The following NME7 variants were observed in gnomAD, a reference collection of about 807,000 sequenced individuals.
The protein encoded by NME7 is nucleoside diphosphate kinase 7.
NME7 carries 41 observed loss-of-function variants against 49.1 expected under a neutral mutation model. That is an observed-to-expected ratio of 0.83 (90% confidence interval 0.65 to 1.08). The LOEUF is 1.08. Among genes scored for constraint, NME7 ranks in the 50% least tolerant of loss-of-function variants. The pLI, the probability that NME7 is intolerant of heterozygous loss-of-function variation, is 0.00. For synonymous variants in NME7, 139 were observed against 150.6 expected (o/e 0.92, Z 0.56); for missense variants, 423 against 463.4 (o/e 0.91, Z 0.80).
rs570184633 is a variant in NME7 at position 169,322,992 on chromosome 1, A to C, written c.278+125T>G. ...TTTTTAAATTGAAAAAAAGAAAAAG[A>C]ATGAAGACAACCATTTTCCAGGTCC... On this transcript the variant is annotated intron_variant, in intron 3 of 11. Transcript: ENST00000367811. The C allele has an allele frequency of 4.1e-4, 285 of 686,906 alleles. No individual in the cohort carries two copies. The African/African-American group carries it at 4.6e-3, about 11-fold the overall frequency. The allele number at this position is 686,906 out of a possible 1,614,324, so 42.6% of individuals were successfully genotyped here. A position where few individuals can be genotyped will look rare whatever the true frequency, so the allele number is the denominator to read the frequency against.
At position 169,292,958 on chromosome 1, in the gene NME7, T is replaced by G. The variant is rs571420892; in HGVS notation, c.649-5550A>C. 2.0e-5 allele frequency among the ~76,000 whole-genome samples: 3 copies of G among 152,190 alleles called. No individual in the cohort carries two copies. In the South Asian group the frequency reaches 6.2e-4, roughly 32 times the overall value. On this transcript the variant is annotated intron_variant, in intron 6 of 11. Transcript: ENST00000367811. ...AAAGAATACTGGCTCCCAAATTTCTTTCCTAGAGATGTACAGAATACAAAA... is the reference window on the plus strand; with the variant it reads ...AAAGAATACTGGCTCCCAAATTTCTGTCCTAGAGATGTACAGAATACAAAA...
intron 4 of NME7, among the ~76,000 whole-genome samples, chr1:169,306,249 A>G (rs945749005): frequency 2.0e-5 from 3 of 152,162 alleles, no homozygotes; most frequent in Non-Finnish European, 4.4e-5. Context: ...TTTCCTGCAT[A>G]TGGGAAACCA....
intron 7 of NME7, among the ~76,000 whole-genome samples, chr1:169,238,368 T>G (rs1647945079): frequency 6.6e-6 from 1 of 151,982 alleles, no homozygotes; most frequent in Non-Finnish European, 1.5e-5. Flanking sequence ...GTCTATAGTC[T>G]CTGGGCAAAT....
At chr1:169,313,331 G>A (rs1030663780) in intron 3 of NME7, among the ~76,000 whole-genome samples, 4 of 151,862 alleles carry the variant, frequency 2.6e-5, no homozygotes, top group Non-Finnish European at 4.4e-5. Flanking sequence ...AAGGGTAACA[G>A]AACCCAAGAG....
chr1:169,266,908 T>C (rs1649334861), intron 7 of NME7, among the ~76,000 whole-genome samples: 1 of 131,648 alleles, frequency 7.6e-6, no homozygotes, highest in South Asian at 2.4e-4. Flanking sequence ...TCTCTATTAA[T>C]AATATAAAAA....
chr1:169,234,511 TAGC>T (rs144080110), intron 9 of NME7, among the ~76,000 whole-genome samples: 3,871 of 152,186 alleles, frequency 0.025, 136 homozygotes, highest in African/African-American at 0.086. Context: ...ACAACAATAA[TAGC>T]AGGTAATATT....
chr1:169,228,942 C>T (rs1647468304), intron 10 of NME7, among the ~76,000 whole-genome samples: 1 of 152,132 alleles, frequency 6.6e-6, no homozygotes, highest in Non-Finnish European at 1.5e-5. Flanking sequence ...TATTCTTTCT[C>T]CCTGAAAAGA....
intron 11 of NME7, among the ~76,000 whole-genome samples, chr1:169,147,501 T>C (rs1658791537): frequency 6.6e-6 from 1 of 152,234 alleles, no homozygotes; most frequent in African/African-American, 2.4e-5. Context: ...TTTCAGTTAC[T>C]CATCTGTAAA....
At chr1:169,251,122 C>T (rs993167286) in intron 7 of NME7, among the ~76,000 whole-genome samples, 1 of 151,806 alleles carries the variant, frequency 6.6e-6, no homozygotes, top group Admixed American at 6.6e-5. Context: ...TGTCTTAGGT[C>T]TAATAGTAAT....
chr1:169,256,050 G>T (rs1322573165), intron 7 of NME7, among the ~76,000 whole-genome samples: 1 of 132,466 alleles, frequency 7.5e-6, no homozygotes, highest in African/African-American at 2.6e-5. Context: ...TCTTGGAGTT[G>T]CTCTTCTCGA....
intron 10 of NME7, among the ~76,000 whole-genome samples, chr1:169,222,549 T>C (rs1557994606): frequency 6.6e-6 from 1 of 152,194 alleles, no homozygotes; most frequent in Non-Finnish European, 1.5e-5. Context: ...TGAATAGTAA[T>C]TTGTGTCTCA....
At chr1:169,227,925 T>TA (rs1440912491) in intron 10 of NME7, among the ~76,000 whole-genome samples, 1 of 152,116 alleles carries the variant, frequency 6.6e-6, no homozygotes, top group Admixed American at 6.6e-5. Context: ...ATTAGCCACT[T>TA]ACAGTTGTTT....
chr1:169,366,954 C>T (rs1653888586), intron 1 of NME7, among the ~76,000 whole-genome samples: 1 of 152,058 alleles, frequency 6.6e-6, no homozygotes, highest in African/African-American at 2.4e-5. Context: ...TCCATAAGTG[C>T]TTAAAAGATA....
rs551927585 is a variant in NME7, at chr1:169,256,582, T to C, written c.755-18895A>G. 1.2e-3 allele frequency among the ~76,000 whole-genome samples: 154 copies of C among 132,000 alleles called. 44 individuals are homozygous for C. The highest frequency in any genetic ancestry group is 2.0e-3 in the Non-Finnish European group (116 of 56,754). 86.6% of individuals were successfully genotyped at this position (132,000 alleles called of 152,430 possible). On this transcript the variant is annotated intron_variant, in intron 7 of 11. Coordinates refer to ENST00000367811, the MANE Select transcript of NME7 (RefSeq NM_013330.5). ...CTCAGCTCGTCAAAGTCATTCTCCA[T>C]CCAGCTTTGTTCCGTTGCCGGTGAG...
At chr1:169,193,473 C>T (rs1660291257) in intron 10 of NME7, among the ~76,000 whole-genome samples, 1 of 152,144 alleles carries the variant, frequency 6.6e-6, no homozygotes, top group Admixed American at 6.5e-5. Flanking sequence ...TGTAAGGTGG[C>T]AGGCTCTTTC....
chr1:169,219,367 A>G (rs1266785097), intron 10 of NME7, among the ~76,000 whole-genome samples: 1 of 152,242 alleles, frequency 6.6e-6, no homozygotes, highest in Non-Finnish European at 1.5e-5. Context: ...AGTGATGTGT[A>G]GGCATTGTAT....
chr1:169,175,679 C>T (rs1413083828), intron 10 of NME7, among the ~76,000 whole-genome samples: 1 of 152,026 alleles, frequency 6.6e-6, no homozygotes, highest in Non-Finnish European at 1.5e-5. Flanking sequence ...TAATGAGTAG[C>T]ATATGGTGGT....
intron 10 of NME7, among the ~76,000 whole-genome samples, chr1:169,211,383 G>A (rs921362274): frequency 4.6e-5 from 7 of 151,980 alleles, no homozygotes; most frequent in South Asian, 2.1e-4. Flanking sequence ...ATCAGTTAAC[G>A]TTTCTCTGGG....
chr1:169,363,746 G>C (rs1653747075), intron 1 of NME7, among the ~76,000 whole-genome samples: 1 of 152,140 alleles, frequency 6.6e-6, no homozygotes, highest in South Asian at 2.1e-4. Flanking sequence ...GACTCCTCCA[G>C]ATCACTGCAC....
Sources: allele counts gnomAD v4.1 joint callset (sites outside exome capture counted in the v4.1 genomes callset), GRCh38; gene constraint gnomAD v4.1.1; transcripts MANE v1.5; gene names NCBI Gene and HGNC (gene_info 2026-07-23, HGNC 2026-07-21).